SLC6A2: variants seen among roughly 807,000 people sequenced by gnomAD.
SLC6A2 encodes solute carrier family 6 member 2.
In SLC6A2, 26 loss-of-function variants were observed where a neutral mutation model predicts 71.7. The observed-to-expected ratio is 0.36, with a 90% CI of 0.27 to 0.50. SLC6A2 has a LOEUF of 0.50. SLC6A2 is among the 20% of genes least tolerant of loss of function. SLC6A2 has a pLI of 0.96. For synonymous variants in SLC6A2, 363 were observed against 337.9 expected, an observed-to-expected ratio of 1.07 and a Z score of -0.82; for missense variants, 581 against 803.9, an observed-to-expected ratio of 0.72 and a Z score of 3.35.
At chr16:55,683,085 T>C (rs1200288083) in intron 4 of SLC6A2, among the ~76,000 whole-genome samples, 1 of 152,098 alleles carries the variant, frequency 6.6e-6, no homozygotes, top group East Asian at 1.9e-4. Context: ...TTCTGCTTGC[T>C]TTGCCTTGCA....
chr16:55,689,631 T>G (rs1465755907), intron 5 of SLC6A2, among the ~76,000 whole-genome samples: 1 of 152,238 alleles, frequency 6.6e-6, no homozygotes, highest in African/African-American at 2.4e-5. Flanking sequence ...CAAGGAGATG[T>G]GAGAGCTCCT....
chr16:55,681,162 A>G (rs920812080), intron 4 of SLC6A2, among the ~76,000 whole-genome samples: 10 of 152,172 alleles, frequency 6.6e-5, no homozygotes, highest in East Asian at 1.9e-4. Flanking sequence ...TAGGACTCAA[A>G]CATAATGATC....
At chr16:55,680,997 C>T (rs1965253848) in intron 4 of SLC6A2, among the ~76,000 whole-genome samples, 1 of 152,086 alleles carries the variant, frequency 6.6e-6, no homozygotes, top group Non-Finnish European at 1.5e-5. Flanking sequence ...CTCCCCATTG[C>T]TCCCTCCCCT....
chr16:55,691,222 GGAGAGGGGGAGAGA>G (rs1965610135), intron 5 of SLC6A2, among the ~76,000 whole-genome samples: 5 of 127,922 alleles, frequency 3.9e-5, no homozygotes, highest in African/African-American at 1.6e-4. Flanking sequence ...GGGGGGGAGG[GGAGAGGGGGAGAGA>G]GAGAGAGAGA....
chr16:55,681,411 T>C (rs1965267794), intron 4 of SLC6A2, among the ~76,000 whole-genome samples: 1 of 152,116 alleles, frequency 6.6e-6, no homozygotes. Flanking sequence ...CAGAGAGAGT[T>C]TGTGGAATCG....
At position 55,703,169 on chromosome 16, in the gene SLC6A2, T is replaced by C; in HGVS notation, c.*823T>C. On this transcript the variant is annotated 3_prime_UTR_variant, in exon 15 of 15. Transcript: ENST00000568943. ...TACTGAGGCCTCATGCTGCTCTTGC[T>C]CTGTAAGACACGGAGCCCAGAAACC... 1 of 985,352 alleles carries C rather than the reference T, an allele frequency of 1.0e-6. No homozygotes were observed. The highest frequency in any genetic ancestry group is 1.2e-6 in the Non-Finnish European group (1 of 829,890). The allele number at this position is 985,352 out of a possible 1,614,324, so 61.0% of individuals were successfully genotyped here.
At chr16:55,686,480 C>T (rs1231494058) in intron 5 of SLC6A2, among the ~76,000 whole-genome samples, 2 of 152,138 alleles carry the variant, frequency 1.3e-5, no homozygotes, top group Admixed American at 1.3e-4. Context: ...GTAAAACCCA[C>T]CGTCCATATG....
At chr16:55,670,923 G>A (rs1338343847) in intron 3 of SLC6A2, among the ~76,000 whole-genome samples, 2 of 152,188 alleles carry the variant, frequency 1.3e-5, no homozygotes, top group African/African-American at 2.4e-5. Flanking sequence ...TCCTTGAAAA[G>A]CAATGTTGGG....
intron 7 of SLC6A2, among the ~76,000 whole-genome samples, chr16:55,694,494 G>A (rs1861647): frequency 0.29 from 43,972 of 152,092 alleles, 7,396 homozygotes; most frequent in Non-Finnish European, 0.37. Context: ...TGAGACTGCA[G>A]GGGAGACTGA....
rs753391634 is a variant in SLC6A2 at position 55,671,920 on chromosome 16, C to G, written c.407-18C>G. On this transcript the variant is annotated intron_variant, in intron 3 of 14. Coordinates refer to ENST00000568943, the MANE Select transcript of SLC6A2 (RefSeq NM_001172501.3). ...CTGGGCCTGGGAGACTCCTACCTTA[C>G]CCCCTGTCCCTGCCCAGGCGTTGGC... 9 of 1,613,812 alleles carry G rather than the reference C, an allele frequency of 5.6e-6. No individual in the cohort carries two copies. Among genetic ancestry groups the G allele is most frequent in the Non-Finnish European group, 7.6e-6 (9 of 1,179,908 alleles).
Position 55,679,371 on chromosome 16 carries a change from T to C in SLC6A2, c.645-5772T>C, listed in dbSNP as rs1596980572. ...CCTCCCAAGTAGCTGGGACTACAGG[T>C]GTGTGCCACCACACCCAGCTAATTT... On this transcript the variant is annotated intron_variant, in intron 4 of 14. Transcript: ENST00000568943. 3.3e-5 allele frequency among the ~76,000 whole-genome samples: 5 copies of C among 152,094 alleles called. 1 individual carries two copies. Among genetic ancestry groups the C allele is most frequent in the Admixed American group, 3.3e-4 (5 of 15,284 alleles).
At position 55,699,770 on chromosome 16, in the gene SLC6A2, T is replaced by C; in HGVS notation, c.1590+116T>C. On this transcript the variant is annotated intron_variant, in intron 12 of 14. Transcript: ENST00000568943. The stretch of plus-strand genomic sequence containing the variant: ...AGGCTCTGGGATCCAGAGGCCCTGG[T>C]CATGCAGAGGGGTCACTTGGGATGC... The C allele has an allele frequency of 1.3e-5, 10 of 781,582 alleles. 1 individual carries two copies. In the South Asian group the frequency reaches 1.3e-4, roughly 10 times the overall value. 48.4% of individuals were successfully genotyped at this position (781,582 alleles called of 1,614,324 possible). A position where few individuals can be genotyped will look rare whatever the true frequency, so the allele number is the denominator to read the frequency against.
rs1174851699 is a variant in SLC6A2, at chr16:55,704,678, G to C, written c.*2332G>C. On this transcript the variant is annotated 3_prime_UTR_variant, in exon 15 of 15. Coordinates refer to ENST00000568943, the MANE Select transcript of SLC6A2 (RefSeq NM_001172501.3). ...CAGCAAAGCCTTTTGCATTAGAGCAGGGTCGTGCTTCCGAGAGAGCCTGCC... is the reference window on the plus strand; with the variant it reads ...CAGCAAAGCCTTTTGCATTAGAGCACGGTCGTGCTTCCGAGAGAGCCTGCC... 1 of 152,534 alleles carries C rather than the reference G, an allele frequency of 6.6e-6. No homozygotes were observed. 9.4% of individuals were successfully genotyped at this position (152,534 alleles called of 1,614,324 possible).
intron 2 of SLC6A2, among the ~76,000 whole-genome samples, chr16:55,664,151 T>A (rs1964684392): frequency 6.6e-6 from 1 of 151,892 alleles, no homozygotes; most frequent in Non-Finnish European, 1.5e-5. Flanking sequence ...TGAGGGGCCA[T>A]CTCAGCTTCA....
chr16:55,694,465 G>C (rs951757758), intron 7 of SLC6A2, among the ~76,000 whole-genome samples: 51 of 152,246 alleles, frequency 3.3e-4, no homozygotes, highest in African/African-American at 1.1e-3. Flanking sequence ...AGCTGCTGAG[G>C]GCCTGGCAGG....
rs193122651 is a variant in SLC6A2 at position 55,666,425 on chromosome 16, C to A, written c.275-3140C>A. ...ACTCTTCAACCTGAAGAGTTTACTT[C>A]TGCAAGAGGAGAAGGAAACTCTCCC... On this transcript the variant is annotated intron_variant, in intron 2 of 14. Coordinates refer to ENST00000568943, the MANE Select transcript of SLC6A2 (RefSeq NM_001172501.3). Among the ~76,000 whole-genome samples, 32 of 152,326 alleles carry A rather than the reference C, an allele frequency of 2.1e-4. 1 individual carries two copies. Among genetic ancestry groups the A allele is most frequent in the Middle Eastern group, 3.4e-3 (1 of 294 alleles).
chr16:55,694,171 G>T (rs1965723312), intron 7 of SLC6A2, 58 bp downstream of exon 7: 1 of 1,189,118 alleles, frequency 8.4e-7, no homozygotes, highest in Admixed American at 1.7e-5. Context: ...ACTCTTGTTG[G>T]GTGGCAGAGA....
chr16:55,658,612 T>C (rs1175132050), intron 2 of SLC6A2, among the ~76,000 whole-genome samples: 1 of 152,078 alleles, frequency 6.6e-6, no homozygotes, highest in Non-Finnish European at 1.5e-5. Flanking sequence ...AACGAGAAAG[T>C]TAACCCAAGG....
intron 14 of SLC6A2, 101 bp from the exon 15 acceptor site, chr16:55,702,222 G>A: frequency 8.6e-7 from 1 of 1,166,020 alleles, no homozygotes; most frequent in Non-Finnish European, 1.3e-6. Context: ...GGAAGGGGGT[G>A]TTTTTCTGCC....
Sources: allele counts gnomAD v4.1 joint callset (sites outside exome capture counted in the v4.1 genomes callset), GRCh38; gene constraint gnomAD v4.1.1; transcripts MANE v1.5; gene names NCBI Gene and HGNC (gene_info 2026-07-23, HGNC 2026-07-21).